SLC30A4: variants seen among roughly 807,000 people sequenced by gnomAD.
SLC30A4 encodes probable proton-coupled zinc antiporter SLC30A4.
In SLC30A4, 20 loss-of-function variants were observed where a neutral mutation model predicts 41.7. The ratio of observed to expected loss-of-function variants is 0.48; its 90% confidence interval spans 0.34 to 0.70. SLC30A4 has a LOEUF of 0.70. SLC30A4 is among the 30% of genes least tolerant of loss of function. SLC30A4 has a pLI of 0.01. For synonymous variants in SLC30A4, 181 were observed against 195.9 expected (o/e 0.92, Z 0.64); for missense variants, 441 against 529.3 (o/e 0.83, Z 1.64).
chr15:45,504,160 C>G (rs1434354863), intron 3 of SLC30A4, among the ~76,000 whole-genome samples: 5 of 152,124 alleles, frequency 3.3e-5, no homozygotes, highest in African/African-American at 1.2e-4. Flanking sequence ...TCAGTTTAAA[C>G]TGTACAGAAA....
intron 2 of SLC30A4, among the ~76,000 whole-genome samples, chr15:45,512,625 G>T (rs771267950): frequency 6.6e-6 from 1 of 152,180 alleles, no homozygotes; most frequent in Non-Finnish European, 1.5e-5. Context: ...CCAAGAGAAG[G>T]TTGGTGTTAA....
Position 45,487,588 on chromosome 15 carries a change from T to C in SLC30A4, c.939A>G (p.Ser313=), listed in dbSNP as rs370017650. The change falls in exon 6 of 8, where the codon TCA becomes TCG. Residue 313 remains serine, a synonymous_variant. Transcript: ENST00000261867. The stretch of plus-strand genomic sequence containing the variant: ...GAAATGTTGTAAAAGCCACAAGTAA[T>C]GAAAATACGTATGTACAGATGGGGT... The part of the protein sequence containing the change: ...IADPICTYVF[S]LLVAFTTFRI... 19 of 1,582,188 alleles carry C rather than the reference T, an allele frequency of 1.2e-5. 1 individual carries two copies. The highest frequency in any genetic ancestry group is 2.2e-5 in the East Asian group (1 of 44,632).
intron 2 of SLC30A4, chr15:45,521,162 T>C (rs1381833316): frequency 8.3e-6 from 3 of 363,042 alleles, no homozygotes; most frequent in South Asian, 6.8e-5. Context: ...TTATGTCACT[T>C]TGTAAACTGT....
intron 3 of SLC30A4, among the ~76,000 whole-genome samples, chr15:45,510,673 T>G (rs1020888690): frequency 6.6e-6 from 1 of 152,170 alleles, no homozygotes; most frequent in African/African-American, 2.4e-5. Context: ...CAAATAAAAA[T>G]GTGTGCATTT....
intron 5 of SLC30A4, among the ~76,000 whole-genome samples, chr15:45,488,146 A>G (rs1291536260): frequency 6.6e-6 from 1 of 152,178 alleles, no homozygotes; most frequent in African/African-American, 2.4e-5. Context: ...AGGGAACTCA[A>G]GTTTAGAGTT....
chr15:45,517,959 A>G (rs954253330), intron 2 of SLC30A4, among the ~76,000 whole-genome samples: 1 of 152,196 alleles, frequency 6.6e-6, no homozygotes, highest in Non-Finnish European at 1.5e-5. Context: ...AAATAAAAAC[A>G]AAAACAAAAA....
chr15:45,486,507 C>G, intron 7 of SLC30A4, 104 bp downstream of exon 7: 4 of 1,079,908 alleles, frequency 3.7e-6, no homozygotes, highest in Non-Finnish European at 5.2e-6. Context: ...TAAAACAAAT[C>G]TTTTCAGCAG....
At position 45,490,854 on chromosome 15, in the gene SLC30A4, A is replaced by G; in HGVS notation, c.566T>C (p.Leu189Pro). The change falls in exon 4 of 8, where the codon CTG (leucine) becomes CCG (proline). Residue 189 changes from leucine (L) to proline (P), a missense_variant. Leu to Pro is a moderately conservative substitution (Grantham distance 98). This residue lies in a region of SLC30A4 where 312 missense variants were observed against 341.9 expected (regional missense o/e 0.91). Transcript: ENST00000261867. ...GAATCCCATAAGTATATACACCAAC[A>G]GCACACTAATCATAGCTGACAAAAC... is the stretch of plus-strand genomic sequence containing the variant. ...LEVLSAMISV[L>P]LVYILMGFLL... 1 of 1,596,912 alleles carries G rather than the reference A, an allele frequency of 6.3e-7. No individual in the cohort carries two copies. Among genetic ancestry groups the G allele is most frequent in the Non-Finnish European group, 8.5e-7 (1 of 1,172,288 alleles).
chr15:45,514,275 C>T (rs1001909454), intron 2 of SLC30A4, among the ~76,000 whole-genome samples: 1 of 147,620 alleles, frequency 6.8e-6, no homozygotes, highest in Non-Finnish European at 1.5e-5. Flanking sequence ...ACCCAGGAGG[C>T]GGAGGTTACG....
rs1194607900 is a variant in SLC30A4, at chr15:45,484,471, A to G, written c.*692T>C. On this transcript the variant is annotated 3_prime_UTR_variant, in exon 8 of 8. Transcript: ENST00000261867. Reference sequence around the variant, plus strand: ...TTGAAAGTATTTCCTAAATCATTTAATAACAGTGACCACAATAAATAAAGA... The same window carrying G: ...TTGAAAGTATTTCCTAAATCATTTAGTAACAGTGACCACAATAAATAAAGA... 1 of 152,236 alleles carries G rather than the reference A, an allele frequency of 6.6e-6. No homozygotes were observed. The highest frequency in any genetic ancestry group is 1.5e-5 in the Non-Finnish European group (1 of 68,040). The allele number at this position is 152,236 out of a possible 1,614,324, so 9.4% of individuals were successfully genotyped here. A position where few individuals can be genotyped will look rare whatever the true frequency, so the allele number is the denominator to read the frequency against.
chr15:45,509,989 T>C (rs1892246725), intron 3 of SLC30A4, among the ~76,000 whole-genome samples: 1 of 152,090 alleles, frequency 6.6e-6, no homozygotes, highest in African/African-American at 2.4e-5. Context: ...GAAGGATCAC[T>C]TGAGCCTGGA....
chr15:45,479,840 C>CATATAT lies in SLC30A4; in HGVS notation c.*5317_*5322dup, dbSNP rs139116750. 69 of 145,668 alleles carry CATATAT rather than the reference C, an allele frequency of 4.7e-4. 1 individual carries two copies. The East Asian group carries it at 7.6e-3, about 16-fold the overall frequency. The allele number at this position is 145,668 out of a possible 1,614,324, so 9.0% of individuals were successfully genotyped here. ...CAATGTGAAAGTTGCAAATACAGCA[C>CATATAT]ATATATATATATATATATATACTTT... On this transcript the variant is annotated 3_prime_UTR_variant, in exon 8 of 8. Coordinates refer to ENST00000261867, the MANE Select transcript of SLC30A4 (RefSeq NM_013309.6).
intron 3 of SLC30A4, among the ~76,000 whole-genome samples, chr15:45,492,804 A>G (rs1281317217): frequency 5.9e-5 from 9 of 152,230 alleles, no homozygotes; most frequent in Admixed American, 5.9e-4. Context: ...AGGATTATAC[A>G]AAATACTCAT....
chr15:45,509,113 C>T (rs1459531410), intron 3 of SLC30A4, among the ~76,000 whole-genome samples: 2 of 152,128 alleles, frequency 1.3e-5, no homozygotes, highest in Non-Finnish European at 2.9e-5. Flanking sequence ...TAGATCTTAA[C>T]TGCAGGTGTT....
rs895745058 is a variant in SLC30A4, at chr15:45,517,719, C to T, written c.391+4245G>A. On this transcript the variant is annotated intron_variant, in intron 2 of 7. Transcript: ENST00000261867. ...ATCCCAGCACTTTGGGAGGCCGAGG[C>T]GGACAGATCACGAGGTCAGGAGATT... Among the ~76,000 whole-genome samples, 122 of 152,044 alleles carry T rather than the reference C, an allele frequency of 8.0e-4. 1 individual carries two copies. The highest frequency in any genetic ancestry group is 1.3e-3 in the Non-Finnish European group (87 of 67,980).
At chr15:45,517,754 C>T (rs1032403213) in intron 2 of SLC30A4, among the ~76,000 whole-genome samples, 12 of 151,896 alleles carry the variant, frequency 7.9e-5, no homozygotes, top group Admixed American at 3.9e-4. Context: ...TGAGACCATC[C>T]TGGCTAACAC....
At chr15:45,498,736 T>C (rs898048631) in intron 3 of SLC30A4, among the ~76,000 whole-genome samples, 1 of 152,220 alleles carries the variant, frequency 6.6e-6, no homozygotes, top group Non-Finnish European at 1.5e-5. Context: ...TCTTTTCCTA[T>C]AGATGTTTAT....
intron 6 of SLC30A4, 151 bp from the exon 7 acceptor site, chr15:45,486,896 T>C: frequency 2.0e-6 from 1 of 489,840 alleles, no homozygotes; most frequent in Non-Finnish European, 3.5e-6. Context: ...AGATAAACCA[T>C]GTACACATAT....
chr15:45,499,976 T>C lies in SLC30A4; in HGVS notation c.539-9095A>G, dbSNP rs1232353513. 2.0e-5 allele frequency among the ~76,000 whole-genome samples: 3 copies of C among 152,228 alleles called. No individual in the cohort carries two copies. In the East Asian group the frequency reaches 5.8e-4, roughly 29 times the overall value. ...CCCACAAATCTAAGACTACCCTTCT[T>C]TCACCTTGACTGATTTTTGCTAAAA... On this transcript the variant is annotated intron_variant, in intron 3 of 7. Transcript: ENST00000261867.
Sources: allele counts gnomAD v4.1 joint callset (sites outside exome capture counted in the v4.1 genomes callset), GRCh38; gene constraint gnomAD v4.1.1; regional missense constraint gnomAD v4.1.1; transcripts MANE v1.5; gene names NCBI Gene and HGNC (gene_info 2026-07-23, HGNC 2026-07-21).